The following PLCXD3 variants were observed in gnomAD, a reference collection of about 807,000 sequenced individuals.
PLCXD3 encodes PI-PLC X domain-containing protein 3.
A neutral mutation model predicts 25.5 loss-of-function variants in PLCXD3; 19 were observed. The ratio of observed to expected loss-of-function variants is 0.75; its 90% CI spans 0.52 to 1.09. PLCXD3 has a LOEUF of 1.09. Ranked by LOEUF, PLCXD3 falls within the 50% of genes least tolerant of loss-of-function variation. PLCXD3 has a pLI of 0.00. For synonymous variants in PLCXD3, 174 were observed against 137.6 expected (o/e 1.26, Z -1.85); for missense variants, 411 against 388.1 (o/e 1.06, Z -0.50).
chr5:41,390,683 G>C (rs780907513), intron 1 of PLCXD3, among the ~76,000 whole-genome samples: 1 of 152,026 alleles, frequency 6.6e-6, no homozygotes, highest in Non-Finnish European at 1.5e-5. Flanking sequence ...ATCGTCCTCC[G>C]TGCAAGGACA....
At chr5:41,490,812 G>T (rs1466695287) in intron 1 of PLCXD3, among the ~76,000 whole-genome samples, 1 of 152,094 alleles carries the variant, frequency 6.6e-6, no homozygotes, top group Non-Finnish European at 1.5e-5. Flanking sequence ...GCATCTATTT[G>T]ATTCTTCTCT....
At chr5:41,469,700 T>C (rs547355351) in intron 1 of PLCXD3, among the ~76,000 whole-genome samples, 3 of 152,306 alleles carry the variant, frequency 2.0e-5, no homozygotes, top group African/African-American at 7.2e-5. Flanking sequence ...AAAAATGCCA[T>C]CAATTAAATA....
chr5:41,315,622 T>G (rs1319592514), intron 2 of PLCXD3, among the ~76,000 whole-genome samples: 1 of 152,158 alleles, frequency 6.6e-6, no homozygotes, highest in Non-Finnish European at 1.5e-5. Flanking sequence ...GTACCTGGAT[T>G]TAACTTTATA....
chr5:41,356,335 G>C (rs1349069392), intron 2 of PLCXD3, among the ~76,000 whole-genome samples: 1 of 152,140 alleles, frequency 6.6e-6, no homozygotes, highest in East Asian at 1.9e-4. Context: ...AATGATAACT[G>C]TTACCAAGAG....
In PLCXD3 at chr5:41,382,545, A is replaced by C; in HGVS notation, c.104-11T>G. The C allele has an allele frequency of 4.4e-6, 7 of 1,573,368 alleles. No individual in the cohort carries two copies. The highest frequency in any genetic ancestry group is 6.0e-6 in the Non-Finnish European group (7 of 1,162,680). ...AGGAATCATGAGACCCTAGGAGAATAACAAGGCATAGTGTGGTTAATTTCC... is the reference window on the plus strand; with the variant it reads ...AGGAATCATGAGACCCTAGGAGAATCACAAGGCATAGTGTGGTTAATTTCC... On this transcript the variant is annotated splice_polypyrimidine_tract_variant and intron_variant, in intron 1 of 2. Transcript: ENST00000377801.
intron 2 of PLCXD3, among the ~76,000 whole-genome samples, chr5:41,353,706 G>A (rs1426686920): frequency 3.9e-5 from 6 of 152,150 alleles, no homozygotes; most frequent in Non-Finnish European, 5.9e-5. Flanking sequence ...ATGGAGTTAC[G>A]TTGTGTGATG....
chr5:41,372,296 TCTCACACACACACACACACACACA>T (rs1745122663), intron 2 of PLCXD3, among the ~76,000 whole-genome samples: 3 of 132,854 alleles, frequency 2.3e-5, no homozygotes, highest in Non-Finnish European at 4.8e-5. Flanking sequence ...TCTCTCTCTC[TCTCACACACACACACACACACACA>T]CACACACACA....
At chr5:41,354,364 C>A (rs1473279336) in intron 2 of PLCXD3, among the ~76,000 whole-genome samples, 1 of 152,118 alleles carries the variant, frequency 6.6e-6, no homozygotes, top group Non-Finnish European at 1.5e-5. Context: ...TTGCTCTATG[C>A]CCAATGTTTC....
chr5:41,506,953 T>C (rs533486376), intron 1 of PLCXD3, among the ~76,000 whole-genome samples: 1 of 149,914 alleles, frequency 6.7e-6, no homozygotes, highest in Non-Finnish European at 1.5e-5. Context: ...TTTGCTACAC[T>C]ATATGAAAAA....
At chr5:41,366,582 C>T (rs1004860122) in intron 2 of PLCXD3, among the ~76,000 whole-genome samples, 5 of 152,212 alleles carry the variant, frequency 3.3e-5, no homozygotes, top group African/African-American at 1.2e-4. Flanking sequence ...TATTTCAACA[C>T]ACAACATGCA....
rs1294093804 is a variant in PLCXD3, at chr5:41,310,409, T to C, written c.*3208A>G. ...TTTGGTTGTTTTGTTTTGTTTTGTT[T>C]TTTTGCCTCACAGGACTTGTGAAAT... On this transcript the variant is annotated 3_prime_UTR_variant, in exon 3 of 3. Transcript: ENST00000377801. 6.6e-6 allele frequency: 1 copy of C among 152,146 alleles called. No homozygotes were observed. Among genetic ancestry groups the C allele is most frequent in the Non-Finnish European group, 1.5e-5 (1 of 68,014 alleles). The allele number at this position is 152,146 out of a possible 1,614,324, so 9.4% of individuals were successfully genotyped here.
At chr5:41,452,188 G>A (rs1267867075) in intron 1 of PLCXD3, among the ~76,000 whole-genome samples, 2 of 151,922 alleles carry the variant, frequency 1.3e-5, no homozygotes, top group Non-Finnish European at 2.9e-5. Flanking sequence ...CTCTTAAATT[G>A]CTTGTATAAG....
chr5:41,383,857 A>ATT (rs5867551), intron 1 of PLCXD3, among the ~76,000 whole-genome samples: 1 of 151,504 alleles, frequency 6.6e-6, no homozygotes. Flanking sequence ...TATTTGAAGC[A>ATT]TTTTTTTCAG....
chr5:41,451,376 A>G (rs977711840), intron 1 of PLCXD3, among the ~76,000 whole-genome samples: 4 of 151,988 alleles, frequency 2.6e-5, no homozygotes, highest in Admixed American at 1.3e-4. Context: ...CTGCTTGAGG[A>G]GGGAGATGGG....
chr5:41,403,398 G>GTTTTTTTTTTTTTTTTTTTTT lies in PLCXD3; in HGVS notation c.104-20865_104-20864insAAAAAAAAAAAAAAAAAAAAA, dbSNP rs764950342. 2.4e-4 allele frequency among the ~76,000 whole-genome samples: 8 copies of GTTTTTTTTTTTTTTTTTTTTT among 33,996 alleles called. 1 individual carries two copies. The highest frequency in any genetic ancestry group is 5.6e-4 in the Admixed American group (2 of 3,582). The allele number at this position is 33,996 out of a possible 152,430, so 22.3% of individuals were successfully genotyped here. ...GCCATTTACCCAGATTGACTTATTT[G>GTTTTTTTTTTTTTTTTTTTTT]TTGTTTTTTTTTTTTTTTATTATAC... On this transcript the variant is annotated intron_variant, in intron 1 of 2. Transcript: ENST00000377801.
At chr5:41,358,550 T>C (rs1390416929) in intron 2 of PLCXD3, among the ~76,000 whole-genome samples, 2 of 152,212 alleles carry the variant, frequency 1.3e-5, no homozygotes, top group African/African-American at 4.8e-5. Flanking sequence ...TGAGAACATA[T>C]GATGTTTGGT....
chr5:41,480,096 G>A (rs1038207653), intron 1 of PLCXD3, among the ~76,000 whole-genome samples: 2 of 152,186 alleles, frequency 1.3e-5, no homozygotes, highest in African/African-American at 2.4e-5. Context: ...GATACGAGCT[G>A]AAGCTTTTCT....
intron 1 of PLCXD3, among the ~76,000 whole-genome samples, chr5:41,440,208 T>G (rs368650206): frequency 7.3e-6 from 1 of 137,252 alleles, no homozygotes; most frequent in African/African-American, 2.7e-5. Flanking sequence ...AATTACATAA[T>G]CTCTCAATTT....
chr5:41,505,379 A>G (rs1381007920), intron 1 of PLCXD3, among the ~76,000 whole-genome samples: 4 of 152,242 alleles, frequency 2.6e-5, no homozygotes, highest in African/African-American at 9.6e-5. Context: ...AAATACAAAC[A>G]AGATAGGTCA....
Sources: allele counts gnomAD v4.1 joint callset (sites outside exome capture counted in the v4.1 genomes callset), GRCh38; gene constraint gnomAD v4.1.1; transcripts MANE v1.5; gene names NCBI Gene and HGNC (gene_info 2026-07-23, HGNC 2026-07-21).